NTM: variants seen among roughly 807,000 people sequenced by gnomAD.
The protein encoded by NTM is IgLON family member 2.
A neutral mutation model predicts 42.1 loss-of-function variants in NTM; 13 were observed. The ratio of observed to expected loss-of-function variants is 0.31; its 90% CI spans 0.20 to 0.49. The LOEUF (loss-of-function observed/expected upper bound fraction) is 0.49, where lower values mean the gene tolerates loss of function less well. Among genes scored for constraint, NTM ranks in the 20% least tolerant of loss-of-function variants. The probability of loss-of-function intolerance (pLI) is 0.99; values close to 1 mark genes in which losing one functional copy is unlikely to be tolerated. For synonymous variants in NTM, 187 were observed against 179.2 expected (o/e 1.04, Z -0.35); for missense variants, 373 against 452.8 (o/e 0.82, Z 1.60).
intron 1 of NTM, among the ~76,000 whole-genome samples, chr11:131,468,255 AAGCC>A (rs1254099327): frequency 6.6e-6 from 1 of 152,214 alleles, no homozygotes; most frequent in Non-Finnish European, 1.5e-5. Context: ...CCATATGACA[AAGCC>A]CATGCTGTGT....
Position 132,314,607 on chromosome 11 carries a change from C to CTCA in NTM, c.841_843dup (p.Ile281dup). The CTCA allele has an allele frequency of 6.2e-7, 1 of 1,613,968 alleles. No homozygotes were observed. The highest frequency in any genetic ancestry group is 8.5e-7 in the Non-Finnish European group (1 of 1,179,908). ...GGAAAACAGACCTTTCCTCTCAAAA[C>CTCA]TCATCTTCTTCAATGTCTCTGAACA... On this transcript the variant is annotated inframe_insertion, in exon 7 of 9. Coordinates refer to ENST00000683400, the MANE Select transcript of NTM (RefSeq NM_001352005.2).
chr11:132,225,001 G>A (rs2085913648), intron 4 of NTM, among the ~76,000 whole-genome samples: 3 of 152,158 alleles, frequency 2.0e-5, no homozygotes, highest in Admixed American at 2.0e-4. Flanking sequence ...ATCCATGTGG[G>A]TTAGCTCTCT....
At chr11:132,308,410 T>C (rs1175940199) in intron 5 of NTM, among the ~76,000 whole-genome samples, 1 of 152,196 alleles carries the variant, frequency 6.6e-6, no homozygotes, top group Non-Finnish European at 1.5e-5. Context: ...TGGAAGGTGC[T>C]GTGTGGACCC....
At chr11:132,312,747 G>GATCA (rs1264184839) in intron 6 of NTM, 24 of 155,048 alleles carry the variant, frequency 1.5e-4, no homozygotes, top group African/African-American at 5.3e-4. Context: ...CGGCCAGTGG[G>GATCA]ATCAATCAGC....
At chr11:131,677,184 G>A (rs1161744480) in intron 1 of NTM, among the ~76,000 whole-genome samples, 1 of 152,164 alleles carries the variant, frequency 6.6e-6, no homozygotes, top group African/African-American at 2.4e-5. Flanking sequence ...CAACTTATGT[G>A]GGAGGCAGTG....
chr11:131,986,361 T>C (rs1220609678), intron 2 of NTM, among the ~76,000 whole-genome samples: 1 of 152,226 alleles, frequency 6.6e-6, no homozygotes, highest in Non-Finnish European at 1.5e-5. Flanking sequence ...CACAAAAGCT[T>C]AATTTTCCCT....
chr11:131,453,900 A>G lies in NTM; in HGVS notation c.82+83012A>G, dbSNP rs534338902. The stretch of plus-strand genomic sequence containing the variant: ...TAGGTGTGGGGTTCCCACAGGGATG[A>G]GCCTGCAGTAGTGGGCTGGGAAGTG... On this transcript the variant is annotated intron_variant, in intron 1 of 8. Coordinates refer to ENST00000683400, the MANE Select transcript of NTM (RefSeq NM_001352005.2). 2.7e-4 allele frequency among the ~76,000 whole-genome samples: 41 copies of G among 152,340 alleles called. 1 individual carries two copies. In the South Asian group the frequency reaches 8.1e-3, roughly 30 times the overall value.
intron 2 of NTM, among the ~76,000 whole-genome samples, chr11:132,092,360 G>C (rs1451890556): frequency 6.6e-6 from 1 of 152,022 alleles, no homozygotes; most frequent in Non-Finnish European, 1.5e-5. Flanking sequence ...CACTGAAAAT[G>C]GGAGATCTCA....
At chr11:131,491,208 A>G (rs898413152) in intron 1 of NTM, among the ~76,000 whole-genome samples, 1 of 152,318 alleles carries the variant, frequency 6.6e-6, no homozygotes, top group Non-Finnish European at 1.5e-5. Flanking sequence ...TGAGCTATCA[A>G]TTTAAAAAAA....
At chr11:131,584,171 C>T (rs2058656378) in intron 1 of NTM, among the ~76,000 whole-genome samples, 1 of 152,232 alleles carries the variant, frequency 6.6e-6, no homozygotes, top group African/African-American at 2.4e-5. Flanking sequence ...GAGTGAGTGT[C>T]TCTCAGTCCC....
rs1182799116 is a variant in NTM, at chr11:132,093,038, C to T, written c.168-53244C>T. Reference sequence around the variant, plus strand: ...GAGCCTTTGAAATGGAAATATGATTCTATCCTTACACTTTTTAGAAGTTTC... The same window carrying T: ...GAGCCTTTGAAATGGAAATATGATTTTATCCTTACACTTTTTAGAAGTTTC... On this transcript the variant is annotated intron_variant, in intron 2 of 8. Coordinates refer to ENST00000683400, the MANE Select transcript of NTM (RefSeq NM_001352005.2). Among the ~76,000 whole-genome samples the T allele has an allele frequency of 2.0e-5, 3 of 152,152 alleles. No individual in the cohort carries two copies. The East Asian group carries it at 5.8e-4, about 29-fold the overall frequency.
intron 3 of NTM, among the ~76,000 whole-genome samples, chr11:132,191,975 G>A (rs558964825): frequency 2.2e-4 from 33 of 152,124 alleles, no homozygotes; most frequent in Admixed American, 7.2e-4. Flanking sequence ...TTTTTTTAAA[G>A]AATTTTTAAA....
intron 1 of NTM, among the ~76,000 whole-genome samples, chr11:131,450,063 G>T (rs1159053073): frequency 6.6e-6 from 1 of 152,130 alleles, no homozygotes; most frequent in South Asian, 2.1e-4. Context: ...GAGTTATAAC[G>T]ATTTCTCTCC....
In NTM at chr11:132,102,645, T is replaced by C. The variant is rs561842299; in HGVS notation, c.168-43637T>C. On this transcript the variant is annotated intron_variant, in intron 2 of 8. Coordinates refer to ENST00000683400, the MANE Select transcript of NTM (RefSeq NM_001352005.2). ...TCCACAGTGTGGAAGAGTTTTGCTA[T>C]CTATACACTGGAGTAGTTTTCTCAT... is the stretch of plus-strand genomic sequence containing the variant. 1.7e-3 allele frequency among the ~76,000 whole-genome samples: 254 copies of C among 152,340 alleles called. 1 individual carries two copies. Among genetic ancestry groups the C allele is most frequent in the Non-Finnish European group, 2.8e-3 (189 of 68,034 alleles).
chr11:131,949,704 G>A (rs1362153101), intron 2 of NTM, among the ~76,000 whole-genome samples: 1 of 152,072 alleles, frequency 6.6e-6, no homozygotes, highest in Non-Finnish European at 1.5e-5. Flanking sequence ...GTCCTGTATG[G>A]CCAAAGTCAC....
At chr11:132,034,648 T>G (rs1394196735) in intron 2 of NTM, among the ~76,000 whole-genome samples, 1 of 152,208 alleles carries the variant, frequency 6.6e-6, no homozygotes, top group African/African-American at 2.4e-5. Context: ...ATCAGATGGT[T>G]GTGAGTTTAG....
chr11:131,800,127 T>A lies in NTM; in HGVS notation c.83-111437T>A, dbSNP rs376753240. Among the ~76,000 whole-genome samples, 28 of 152,282 alleles carry A rather than the reference T, an allele frequency of 1.8e-4. 2 individuals carry two copies. The highest frequency in any genetic ancestry group is 6.5e-4 in the African/African-American group (27 of 41,562). On this transcript the variant is annotated intron_variant, in intron 1 of 8. Transcript: ENST00000683400. ...GCGGAATGGGTGATGCTGAAGGAAT[T>A]GAAGCTCTCTCTAAAGTACACGTAC...
At chr11:132,123,994 A>C in intron 2 of NTM, among the ~76,000 whole-genome samples, 1 of 152,154 alleles carries the variant, frequency 6.6e-6, no homozygotes, top group South Asian at 2.1e-4. Flanking sequence ...TAGCTTTGTG[A>C]CCCGAGGCAA....
intron 4 of NTM, among the ~76,000 whole-genome samples, chr11:132,224,391 A>AGAAGGGG (rs750250543): frequency 1.3e-5 from 2 of 152,082 alleles, no homozygotes; most frequent in Non-Finnish European, 2.9e-5. Context: ...AAGATTGGCC[A>AGAAGGGG]GAAGGGGGAA....
Sources: allele counts gnomAD v4.1 joint callset (sites outside exome capture counted in the v4.1 genomes callset), GRCh38; gene constraint gnomAD v4.1.1; transcripts MANE v1.5; gene names NCBI Gene and HGNC (gene_info 2026-07-23, HGNC 2026-07-21).